CTIF: variants seen among roughly 807,000 people sequenced by gnomAD.
CTIF encodes the protein CBP80/20-dependent translation initiation factor.
Under a neutral mutation model 66.0 loss-of-function variants are expected in CTIF, and 21 were observed. That is an observed-to-expected ratio of 0.32 (90% CI 0.23 to 0.46). CTIF has a LOEUF of 0.46. Among genes scored for constraint, CTIF ranks in the 20% least tolerant of loss-of-function variants. The pLI, the probability that CTIF is intolerant of heterozygous loss-of-function variation, is 1.00. For synonymous variants in CTIF, 345 were observed against 326.4 expected (o/e 1.06, Z -0.62); for missense variants, 739 against 812.7 (o/e 0.91, Z 1.10).
chr18:48,553,600 T>C (rs2088942372), intron 1 of CTIF, among the ~76,000 whole-genome samples: 1 of 152,192 alleles, frequency 6.6e-6, no homozygotes, highest in East Asian at 1.9e-4. Context: ...TTAATGTATC[T>C]GTCGTAGATT....
intron 7 of CTIF, among the ~76,000 whole-genome samples, chr18:48,752,043 A>G (rs745569042): frequency 5.3e-5 from 8 of 152,212 alleles, no homozygotes; most frequent in Non-Finnish European, 1.2e-4. Context: ...CAGACCTTTC[A>G]TCTATTCCAG....
chr18:48,637,932 T>C (rs1026296655), intron 3 of CTIF, among the ~76,000 whole-genome samples: 8 of 151,890 alleles, frequency 5.3e-5, no homozygotes, highest in Admixed American at 3.3e-4. Context: ...CCTCTGAGGG[T>C]CCTTCTAACA....
intron 9 of CTIF, among the ~76,000 whole-genome samples, chr18:48,792,916 T>A (rs2067825201): frequency 2.0e-5 from 3 of 152,202 alleles, no homozygotes; most frequent in African/African-American, 7.2e-5. Flanking sequence ...TGGATAGAAA[T>A]AAGCCTCAGG....
intron 6 of CTIF, among the ~76,000 whole-genome samples, chr18:48,685,928 C>T (rs535891972): frequency 6.6e-6 from 1 of 152,272 alleles, no homozygotes; most frequent in African/African-American, 2.4e-5. Flanking sequence ...ACACCCACCT[C>T]GGCCTCCCAA....
intron 10 of CTIF, among the ~76,000 whole-genome samples, chr18:48,824,669 C>T (rs1599114366): frequency 6.6e-6 from 1 of 151,474 alleles, no homozygotes; most frequent in Non-Finnish European, 1.5e-5. Flanking sequence ...CAGAGTTTCA[C>T]TCTTGTCGCC....
intron 5 of CTIF, among the ~76,000 whole-genome samples, chr18:48,665,516 T>C (rs1385828964): frequency 6.6e-6 from 1 of 152,234 alleles, no homozygotes; most frequent in African/African-American, 2.4e-5. Flanking sequence ...CATTATAAAG[T>C]GTTCAGTCCA....
chr18:48,676,558 C>T (rs2091632565), intron 6 of CTIF, among the ~76,000 whole-genome samples: 1 of 152,166 alleles, frequency 6.6e-6, no homozygotes, highest in Non-Finnish European at 1.5e-5. Flanking sequence ...GAGCGTGTGA[C>T]TCAGGAGCCC....
At chr18:48,726,414 G>A (rs1277126426) in intron 7 of CTIF, among the ~76,000 whole-genome samples, 1 of 152,204 alleles carries the variant, frequency 6.6e-6, no homozygotes, top group Non-Finnish European at 1.5e-5. Context: ...TAACAGGGTT[G>A]TCCTAGCTCA....
At chr18:48,635,317 CTTTTTCTTTCTT>C (rs1555659866) in intron 2 of CTIF, among the ~76,000 whole-genome samples, 38 of 132,962 alleles carry the variant, frequency 2.9e-4, no homozygotes, top group South Asian at 2.6e-3. Context: ...TTTTCTTTTT[CTTTTTCTTTCTT>C]TTTTTTTTTT....
chr18:48,821,209 C>G (rs1326071885), intron 10 of CTIF, among the ~76,000 whole-genome samples: 2 of 152,246 alleles, frequency 1.3e-5, no homozygotes, highest in African/African-American at 2.4e-5. Flanking sequence ...GAAGTGTCCT[C>G]TGTCCTTACT....
intron 7 of CTIF, among the ~76,000 whole-genome samples, chr18:48,749,988 C>A (rs1001773620): frequency 2.6e-5 from 4 of 152,170 alleles, no homozygotes; most frequent in African/African-American, 9.7e-5. Context: ...CCCAGGGCAG[C>A]CGCGTGCTCT....
At chr18:48,681,778 T>C (rs546619475) in intron 6 of CTIF, among the ~76,000 whole-genome samples, 11 of 150,664 alleles carry the variant, frequency 7.3e-5, no homozygotes, top group African/African-American at 2.4e-4. Context: ...TGGTTTTTGT[T>C]TGTTTGTTTG....
chr18:48,680,743 C>T (rs2091726188), intron 6 of CTIF, among the ~76,000 whole-genome samples: 1 of 152,260 alleles, frequency 6.6e-6, no homozygotes, highest in African/African-American at 2.4e-5. Context: ...GCCGGTCCAG[C>T]ATCTTCCCTC....
At chr18:48,633,570 C>T (rs1244141934) in intron 2 of CTIF, among the ~76,000 whole-genome samples, 1 of 151,862 alleles carries the variant, frequency 6.6e-6, no homozygotes, top group Non-Finnish European at 1.5e-5. Flanking sequence ...GGCGTGGTGG[C>T]GGGCACCTGT....
intron 9 of CTIF, among the ~76,000 whole-genome samples, chr18:48,770,858 G>A (rs1910038833): frequency 6.6e-6 from 1 of 152,198 alleles, no homozygotes; most frequent in Admixed American, 6.5e-5. Context: ...CCCCAGCTCT[G>A]AGCCACACCA....
intron 10 of CTIF, among the ~76,000 whole-genome samples, chr18:48,849,125 C>G (rs2069142237): frequency 6.6e-6 from 1 of 151,732 alleles, no homozygotes; most frequent in South Asian, 2.1e-4. Context: ...AGCTCGTCTT[C>G]CAGAGGTGAC....
chr18:48,549,462 A>T (rs1251344536), intron 1 of CTIF, among the ~76,000 whole-genome samples: 1 of 152,218 alleles, frequency 6.6e-6, no homozygotes, highest in Admixed American at 6.5e-5. Context: ...GTCTAAAGGT[A>T]GGAGCTCTAG....
chr18:48,723,676 T>G (rs2092361738), intron 7 of CTIF, among the ~76,000 whole-genome samples: 1 of 152,172 alleles, frequency 6.6e-6, no homozygotes, highest in East Asian at 1.9e-4. Flanking sequence ...ACCCAGAGCA[T>G]GAGGGTGCCT....
At chr18:48,634,160 C>T (rs1432459858) in intron 2 of CTIF, among the ~76,000 whole-genome samples, 4 of 152,050 alleles carry the variant, frequency 2.6e-5, no homozygotes, top group South Asian at 2.1e-4. Flanking sequence ...ATTTGGGTGG[C>T]GTGATGTTTT....
Sources: allele counts gnomAD v4.1 joint callset (sites outside exome capture counted in the v4.1 genomes callset), GRCh38; gene constraint gnomAD v4.1.1; transcripts MANE v1.5; gene names NCBI Gene and HGNC (gene_info 2026-07-23, HGNC 2026-07-21).